Variants in RNF217 observed in about 807,000 individuals in gnomAD.
The protein encoded by RNF217 is E3 ubiquitin-protein ligase RNF217.
RNF217 carries 31 observed loss-of-function variants against 57.8 expected under a neutral mutation model. The observed-to-expected ratio is 0.54, with a 90% CI of 0.40 to 0.72. The LOEUF (loss-of-function observed/expected upper bound fraction) is 0.72, where lower values mean the gene tolerates loss of function less well. Among genes scored for constraint, RNF217 ranks in the 30% least tolerant of loss-of-function variants. The pLI, the probability that RNF217 is intolerant of heterozygous loss-of-function variation, is 0.00. For synonymous variants in RNF217, 313 were observed against 294.0 expected, an observed-to-expected ratio of 1.06 and a Z score of -0.66; for missense variants, 696 against 708.3, an observed-to-expected ratio of 0.98 and a Z score of 0.20.
intron 1 of RNF217, among the ~76,000 whole-genome samples, chr6:124,982,002 T>G: frequency 7.9e-6 from 1 of 127,368 alleles, no homozygotes; most frequent in Non-Finnish European, 1.6e-5. Context: ...CACTCCATCC[T>G]GGCAACAGAG....
At chr6:125,010,647 C>T (rs1481217517) in intron 1 of RNF217, among the ~76,000 whole-genome samples, 1 of 152,160 alleles carries the variant, frequency 6.6e-6, no homozygotes, top group African/African-American at 2.4e-5. Context: ...TAGATCTTTA[C>T]AATTTACTAA....
chr6:125,058,861 G>A (rs1349092205), intron 3 of RNF217, among the ~76,000 whole-genome samples: 1 of 152,142 alleles, frequency 6.6e-6, no homozygotes, highest in African/African-American at 2.4e-5. Flanking sequence ...AATCATGTGT[G>A]TGTACCCTTT....
intron 1 of RNF217, among the ~76,000 whole-genome samples, chr6:124,970,282 C>T (rs947016459): frequency 6.6e-6 from 1 of 152,146 alleles, no homozygotes; most frequent in African/African-American, 2.4e-5. Context: ...AGTTAGAAGA[C>T]TATGGAATAA....
At chr6:124,971,431 A>G in intron 1 of RNF217, 2 of 286,872 alleles carry the variant, frequency 7.0e-6, no homozygotes, top group South Asian at 2.9e-5. Flanking sequence ...CTATGATTTG[A>G]TTTGATTTAC....
At chr6:125,052,320 G>GTGTGTGTGTGTGTGTGT (rs1554291658) in intron 2 of RNF217, among the ~76,000 whole-genome samples, 1 of 141,308 alleles carries the variant, frequency 7.1e-6, no homozygotes, top group Non-Finnish European at 1.5e-5. Flanking sequence ...GTGTGTGTGT[G>GTGTGTGTGTGTGTGTGT]GTTTTATTTG....
At chr6:124,975,242 C>T (rs1249109103) in intron 1 of RNF217, among the ~76,000 whole-genome samples, 1 of 152,104 alleles carries the variant, frequency 6.6e-6, no homozygotes, top group Non-Finnish European at 1.5e-5. Flanking sequence ...ACAGCTTTTC[C>T]CCCGGTTGCT....
Position 125,086,639 on chromosome 6 carries a change from G to A in RNF217, c.*3702G>A, listed in dbSNP as rs1339511686. The A allele has an allele frequency of 1.3e-5, 2 of 152,106 alleles. No homozygotes were observed. The highest frequency in any genetic ancestry group is 2.9e-5 in the Non-Finnish European group (2 of 67,972). 9.4% of individuals were successfully genotyped at this position (152,106 alleles called of 1,614,324 possible). ...ATAAATCGTGGAATAATTTATATAT[G>A]TGGAGTAAGAAGAGAGGGGTCAAAC... On this transcript the variant is annotated 3_prime_UTR_variant, in exon 6 of 6. Coordinates refer to ENST00000521654, the MANE Select transcript of RNF217 (RefSeq NM_001286398.3).
At chr6:124,981,595 G>C (rs1392674527) in intron 1 of RNF217, among the ~76,000 whole-genome samples, 1 of 152,178 alleles carries the variant, frequency 6.6e-6, no homozygotes, top group Non-Finnish European at 1.5e-5. Flanking sequence ...TACATAAACA[G>C]CAAGGCAGAG....
At chr6:125,047,724 G>C (rs951317464) in intron 2 of RNF217, among the ~76,000 whole-genome samples, 2 of 151,864 alleles carry the variant, frequency 1.3e-5, no homozygotes, top group Admixed American at 1.3e-4. Context: ...AAACTCAATT[G>C]ATTCCTTTTG....
At chr6:125,003,099 C>A (rs1260908819) in intron 1 of RNF217, among the ~76,000 whole-genome samples, 1 of 152,044 alleles carries the variant, frequency 6.6e-6, no homozygotes, top group Non-Finnish European at 1.5e-5. Context: ...ATTTTAAACA[C>A]ACACGCACAC....
chr6:125,013,069 T>C (rs1282977442), intron 1 of RNF217, among the ~76,000 whole-genome samples: 1 of 152,176 alleles, frequency 6.6e-6, no homozygotes, highest in Non-Finnish European at 1.5e-5. Flanking sequence ...CTTGAAATAA[T>C]TGACATTTAG....
chr6:125,033,041 T>C (rs1786426673), intron 1 of RNF217, among the ~76,000 whole-genome samples: 1 of 152,162 alleles, frequency 6.6e-6, no homozygotes, highest in African/African-American at 2.4e-5. Flanking sequence ...TTTCATATGC[T>C]CACTGGCCAT....
intron 3 of RNF217, among the ~76,000 whole-genome samples, chr6:125,059,031 A>G (rs1787628551): frequency 1.3e-5 from 2 of 152,330 alleles, no homozygotes; most frequent in Middle Eastern, 6.8e-3. Flanking sequence ...TTTAAAAATT[A>G]TGAATACAAT....
chr6:125,043,893 G>A (rs1368720045), intron 1 of RNF217, among the ~76,000 whole-genome samples: 1 of 151,976 alleles, frequency 6.6e-6, no homozygotes, highest in Non-Finnish European at 1.5e-5. Flanking sequence ...CTAATAAGGA[G>A]AATTATCCAA....
chr6:125,013,188 G>GT (rs1282767210), intron 1 of RNF217, among the ~76,000 whole-genome samples: 8 of 151,904 alleles, frequency 5.3e-5, no homozygotes, highest in African/African-American at 7.3e-5. Context: ...ATGAGTCCCT[G>GT]TTTTTTGGAG....
intron 1 of RNF217, among the ~76,000 whole-genome samples, chr6:124,981,061 C>T (rs1784143254): frequency 6.6e-6 from 1 of 152,052 alleles, no homozygotes; most frequent in South Asian, 2.1e-4. Flanking sequence ...GTAATTTACT[C>T]AATTTAAAAT....
intron 1 of RNF217, among the ~76,000 whole-genome samples, chr6:125,013,861 G>A (rs1003539150): frequency 7.9e-5 from 12 of 152,130 alleles, no homozygotes; most frequent in Non-Finnish European, 2.9e-5. Context: ...CAAAGGACAT[G>A]TAACAGCAGC....
Position 124,964,703 on chromosome 6 carries a change from T to G in RNF217, c.882+1277T>G, listed in dbSNP as rs559584965. Among the ~76,000 whole-genome samples the G allele has an allele frequency of 3.9e-5, 6 of 152,336 alleles. No individual in the cohort carries two copies. The South Asian group carries it at 1.2e-3, about 32-fold the overall frequency. On this transcript the variant is annotated intron_variant, in intron 1 of 5. Coordinates refer to ENST00000521654, the MANE Select transcript of RNF217 (RefSeq NM_001286398.3). ...TTAAAAGCCTCTGAGAGACTGTTGTTTCTTTCATGCTTTATCTACAGAGAT... is the reference window on the plus strand; with the variant it reads ...TTAAAAGCCTCTGAGAGACTGTTGTGTCTTTCATGCTTTATCTACAGAGAT...
intron 1 of RNF217, among the ~76,000 whole-genome samples, chr6:124,986,126 A>G (rs970868911): frequency 6.6e-5 from 10 of 152,222 alleles, no homozygotes; most frequent in African/African-American, 2.4e-4. Flanking sequence ...TTAGAGGAGT[A>G]TAATTCAGAT....
Sources: allele counts gnomAD v4.1 joint callset (sites outside exome capture counted in the v4.1 genomes callset), GRCh38; gene constraint gnomAD v4.1.1; transcripts MANE v1.5; gene names NCBI Gene and HGNC (gene_info 2026-07-23, HGNC 2026-07-21).